The following CC2D2B variants were observed in gnomAD, a reference collection of about 807,000 sequenced individuals.
CC2D2B encodes protein CC2D2B.
In CC2D2B, 128 loss-of-function variants were observed where a neutral mutation model predicts 161.2. That is an observed-to-expected ratio of 0.79 (90% CI 0.69 to 0.92). CC2D2B has a LOEUF of 0.92. Among genes scored for constraint, CC2D2B ranks in the 40% least tolerant of loss-of-function variants. The pLI is 0.00. For missense variants in CC2D2B, 1,173 were observed against 1,375.1 expected (o/e 0.85, Z 2.32); for synonymous variants, 391 against 449.8 (o/e 0.87, Z 1.65).
chr10:95,985,667 A>ATG (rs1277336522), intron 19 of CC2D2B, among the ~76,000 whole-genome samples: 5 of 152,208 alleles, frequency 3.3e-5, no homozygotes, highest in African/African-American at 9.6e-5. Flanking sequence ...GATAACAGCA[A>ATG]TGTTCAGGGA....
chr10:95,959,231 A>G (rs1364751257), intron 11 of CC2D2B, among the ~76,000 whole-genome samples: 2 of 152,210 alleles, frequency 1.3e-5, no homozygotes, highest in African/African-American at 4.8e-5. Flanking sequence ...TGACTAGAGT[A>G]CTTTCTAGAA....
intron 17 of CC2D2B, among the ~76,000 whole-genome samples, chr10:95,975,637 A>T (rs925670234): frequency 2.0e-5 from 3 of 152,238 alleles, no homozygotes; most frequent in African/African-American, 7.2e-5. Flanking sequence ...GAAGGTATCA[A>T]ACCAGAACCC....
chr10:96,002,835 T>C (rs2141782295), intron 24 of CC2D2B, among the ~76,000 whole-genome samples: 1 of 152,114 alleles, frequency 6.6e-6, no homozygotes, highest in East Asian at 1.9e-4. Context: ...ATTCAACAAG[T>C]AATGTCAGTG....
intron 30 of CC2D2B, among the ~76,000 whole-genome samples, chr10:96,017,562 G>C (rs2079259960): frequency 6.6e-6 from 1 of 152,152 alleles, no homozygotes; most frequent in Non-Finnish European, 1.5e-5. Context: ...AGCAAGGGCT[G>C]TGAAGTCGAG....
chr10:95,925,710 G>A (rs1334420213), intron 5 of CC2D2B, among the ~76,000 whole-genome samples: 1 of 152,170 alleles, frequency 6.6e-6, no homozygotes, highest in Non-Finnish European at 1.5e-5. Flanking sequence ...TCAGCAGTCG[G>A]GGCTGATAGG....
At chr10:96,017,221 C>T (rs1208625222) in intron 30 of CC2D2B, among the ~76,000 whole-genome samples, 1 of 152,210 alleles carries the variant, frequency 6.6e-6, no homozygotes, top group Non-Finnish European at 1.5e-5. Flanking sequence ...CTAGCCCTAC[C>T]ATGAGTATCT....
At chr10:95,945,355 A>G (rs1167188352) in intron 9 of CC2D2B, among the ~76,000 whole-genome samples, 1 of 152,130 alleles carries the variant, frequency 6.6e-6, no homozygotes, top group Non-Finnish European at 1.5e-5. Context: ...ACGGTCTCTC[A>G]CCAGAATAAA....
At chr10:96,006,943 A>C (rs1266813642) in intron 25 of CC2D2B, among the ~76,000 whole-genome samples, 1 of 152,196 alleles carries the variant, frequency 6.6e-6, no homozygotes, top group East Asian at 1.9e-4. Flanking sequence ...GTTGCTTCAT[A>C]TATAATTCGT....
chr10:95,988,740 G>A (rs1380098440), intron 20 of CC2D2B, among the ~76,000 whole-genome samples: 1 of 152,146 alleles, frequency 6.6e-6, no homozygotes, highest in Non-Finnish European at 1.5e-5. Flanking sequence ...CACACAGACA[G>A]TATTAGAAAA....
chr10:95,911,779 C>G (rs1056748186), intron 2 of CC2D2B, among the ~76,000 whole-genome samples: 2 of 152,142 alleles, frequency 1.3e-5, no homozygotes, highest in African/African-American at 4.8e-5. Flanking sequence ...AAAAAGTATA[C>G]AGGATTCTGG....
At chr10:96,024,417 T>C (rs1433928017) in intron 32 of CC2D2B, among the ~76,000 whole-genome samples, 1 of 152,262 alleles carries the variant, frequency 6.6e-6, no homozygotes, top group Non-Finnish European at 1.5e-5. Context: ...AGGCTTTACA[T>C]GTATTACTTT....
At chr10:95,937,714 A>T (rs1214603102) in intron 6 of CC2D2B, among the ~76,000 whole-genome samples, 1 of 152,180 alleles carries the variant, frequency 6.6e-6, no homozygotes, top group Non-Finnish European at 1.5e-5. Flanking sequence ...AGTATCTCAG[A>T]ACATTTTCCA....
At chr10:95,945,696 A>C (rs923187715) in intron 9 of CC2D2B, among the ~76,000 whole-genome samples, 2 of 151,656 alleles carry the variant, frequency 1.3e-5, no homozygotes, top group African/African-American at 4.8e-5. Flanking sequence ...AAGCCTATTT[A>C]ACTCACTCGG....
At chr10:95,921,972 G>A (rs915015087) in intron 2 of CC2D2B, 44 bp from the exon 3 acceptor site, 2 of 1,089,344 alleles carry the variant, frequency 1.8e-6, no homozygotes, top group South Asian at 3.0e-5. Context: ...GATGTTCAGT[G>A]ACAAAACAAG....
intron 9 of CC2D2B, among the ~76,000 whole-genome samples, chr10:95,947,984 C>T (rs2141331234): frequency 6.6e-6 from 1 of 152,268 alleles, no homozygotes; most frequent in Non-Finnish European, 1.5e-5. Flanking sequence ...AAGTAATTCT[C>T]ATTTAACTCT....
At chr10:95,930,564 A>G (rs1255446442) in intron 6 of CC2D2B, among the ~76,000 whole-genome samples, 2 of 152,024 alleles carry the variant, frequency 1.3e-5, no homozygotes, top group African/African-American at 2.4e-5. Flanking sequence ...ACATTCCATC[A>G]ATACCTAGTT....
intron 25 of CC2D2B, among the ~76,000 whole-genome samples, chr10:96,004,479 A>G (rs911387648): frequency 6.6e-6 from 1 of 152,228 alleles, no homozygotes; most frequent in Non-Finnish European, 1.5e-5. Context: ...ATTATCAAGA[A>G]CTTGGGAGAA....
intron 11 of CC2D2B, among the ~76,000 whole-genome samples, chr10:95,959,083 A>G (rs1453168998): frequency 6.6e-6 from 1 of 151,624 alleles, no homozygotes; most frequent in Non-Finnish European, 1.5e-5. Context: ...GGAAAAGACA[A>G]ATCTACACAA....
chr10:95,968,376 C>T (rs1171495566), intron 14 of CC2D2B, among the ~76,000 whole-genome samples: 1 of 152,146 alleles, frequency 6.6e-6, no homozygotes, highest in Admixed American at 6.6e-5. Flanking sequence ...AACCTCCCCT[C>T]CCCATTCCCA....
Sources: gnomAD v4.1 joint callset for allele counts (sites outside exome capture counted in the v4.1 genomes callset) on GRCh38, gnomAD v4.1.1 for gene constraint, MANE v1.5 for transcripts, NCBI Gene and HGNC (gene_info 2026-07-23, HGNC 2026-07-21) for gene names.